The following SLIT2 variants were observed in gnomAD, a reference collection of about 807,000 sequenced individuals.
SLIT2 encodes the protein slit guidance ligand 2.
A neutral mutation model predicts 185.7 loss-of-function variants in SLIT2; 41 were observed. The ratio of observed to expected loss-of-function variants is 0.22; its 90% CI spans 0.17 to 0.29. SLIT2 has a LOEUF of 0.29. Among genes scored for constraint, SLIT2 ranks in the 10% least tolerant of loss-of-function variants. The pLI is 1.00. For synonymous variants in SLIT2, 693 were observed against 680.2 expected, an observed-to-expected ratio of 1.02 and a Z score of -0.29; for missense variants, 1,571 against 1,909.0, an observed-to-expected ratio of 0.82 and a Z score of 3.30.
chr4:20,530,803 A>T (rs1350315713), intron 16 of SLIT2, among the ~76,000 whole-genome samples: 1 of 152,186 alleles, frequency 6.6e-6, no homozygotes, highest in Non-Finnish European at 1.5e-5. Flanking sequence ...AAGGTATTTT[A>T]CTCAGCTAAT....
intron 30 of SLIT2, among the ~76,000 whole-genome samples, chr4:20,592,283 T>C (rs1334535603): frequency 6.6e-6 from 1 of 152,198 alleles, no homozygotes; most frequent in Non-Finnish European, 1.5e-5. Context: ...CTTTGAGATA[T>C]TTTTAGACTA....
chr4:20,365,848 CTGT>C (rs1435739891), intron 4 of SLIT2, among the ~76,000 whole-genome samples: 2 of 152,218 alleles, frequency 1.3e-5, no homozygotes, highest in East Asian at 3.9e-4. Context: ...CTATGAGCTG[CTGT>C]TTTTATTTTC....
intron 4 of SLIT2, among the ~76,000 whole-genome samples, chr4:20,350,733 T>C (rs1263095425): frequency 6.6e-6 from 1 of 152,216 alleles, no homozygotes; most frequent in Non-Finnish European, 1.5e-5. Context: ...AGCTCATGCC[T>C]GTAATCCTAG....
chr4:20,503,977 G>T (rs78081129), intron 9 of SLIT2, among the ~76,000 whole-genome samples: 4,422 of 152,104 alleles, frequency 0.029, 112 homozygotes, highest in Admixed American at 0.076. Context: ...TATTAAATTT[G>T]CAAAGTTCTG....
At position 20,548,737 on chromosome 4, in the gene SLIT2, T is replaced by A. The variant is rs139349120; in HGVS notation, c.2417+178T>A. ...GTAGACATTAGGAAAAGTATTGCGT[T>A]CTATTAAAAAAAACAAAGAATAATT... On this transcript the variant is annotated intron_variant, in intron 23 of 36. Transcript: ENST00000504154. Among the ~76,000 whole-genome samples the A allele has an allele frequency of 2.6e-3, 397 of 152,136 alleles. 10 individuals are homozygous for A. The South Asian group carries it at 0.059, about 23-fold the overall frequency.
rs150205512 is a variant in SLIT2, at chr4:20,569,085, G to A, written c.3088+81G>A. On this transcript the variant is annotated intron_variant, in intron 29 of 36. Coordinates refer to ENST00000504154, the MANE Select transcript of SLIT2 (RefSeq NM_004787.4). ...ATTGGAACTATGTTATATATGTTTA[G>A]TAAATCTTTTTTTATTTGATAAATG... 5.4e-3 allele frequency: 6,526 copies of A among 1,207,982 alleles called. 47 individuals are homozygous for A. Among genetic ancestry groups the A allele is most frequent in the South Asian group, 0.013 (1,041 of 80,202 alleles). The allele number at this position is 1,207,982 out of a possible 1,614,324, so 74.8% of individuals were successfully genotyped here.
intron 4 of SLIT2, among the ~76,000 whole-genome samples, chr4:20,309,634 T>C (rs1204436544): frequency 1.3e-5 from 2 of 152,106 alleles, no homozygotes; most frequent in Non-Finnish European, 2.9e-5. Context: ...CTTAATTTGC[T>C]ATATCTAATA....
chr4:20,450,547 C>A (rs1381967711), intron 4 of SLIT2, among the ~76,000 whole-genome samples: 10 of 152,042 alleles, frequency 6.6e-5, no homozygotes, highest in African/African-American at 2.4e-4. Context: ...ATGGACAAGA[C>A]CATATCCTAT....
intron 4 of SLIT2, among the ~76,000 whole-genome samples, chr4:20,383,576 A>T (rs148109865): frequency 2.0e-5 from 3 of 152,328 alleles, no homozygotes; most frequent in Non-Finnish European, 4.4e-5. Flanking sequence ...CAGGGTTAGC[A>T]ACCATGTGAA....
chr4:20,372,595 C>A (rs1034863920), intron 4 of SLIT2, among the ~76,000 whole-genome samples: 12 of 151,952 alleles, frequency 7.9e-5, no homozygotes, highest in African/African-American at 2.9e-4. Flanking sequence ...TAAATTCTGA[C>A]TTTCATGCTG....
intron 4 of SLIT2, among the ~76,000 whole-genome samples, chr4:20,439,181 G>A (rs56008233): frequency 6.6e-6 from 1 of 152,266 alleles, no homozygotes; most frequent in South Asian, 2.1e-4. Context: ...ACACAGTTCC[G>A]AGGTATTAAT....
At position 20,508,653 on chromosome 4, in the gene SLIT2, G is replaced by T. The variant is rs571078519; in HGVS notation, c.915-1842G>T. ...AAAATAAATATGCATAAATAAATAT[G>T]CAAGCAAAAAAACACTAAAGTAAAA... On this transcript the variant is annotated intron_variant, in intron 9 of 36. Coordinates refer to ENST00000504154, the MANE Select transcript of SLIT2 (RefSeq NM_004787.4). Among the ~76,000 whole-genome samples the T allele has an allele frequency of 7.5e-4, 114 of 151,992 alleles. 1 individual carries two copies. The highest frequency in any genetic ancestry group is 2.5e-3 in the African/African-American group (102 of 41,486).
intron 4 of SLIT2, among the ~76,000 whole-genome samples, chr4:20,358,434 A>C (rs956807562): frequency 1.3e-5 from 2 of 152,196 alleles, no homozygotes; most frequent in African/African-American, 2.4e-5. Context: ...TACTCACATC[A>C]GGCACGCAGT....
chr4:20,443,321 G>A (rs1729912855), intron 4 of SLIT2, among the ~76,000 whole-genome samples: 1 of 152,124 alleles, frequency 6.6e-6, no homozygotes. Flanking sequence ...ATGAGAGATA[G>A]CTAACTTCTT....
At chr4:20,339,703 A>G (rs967189521) in intron 4 of SLIT2, among the ~76,000 whole-genome samples, 7 of 152,228 alleles carry the variant, frequency 4.6e-5, no homozygotes, top group African/African-American at 1.7e-4. Flanking sequence ...CTAAGTTTCT[A>G]ATCTAAAGAC....
intron 4 of SLIT2, among the ~76,000 whole-genome samples, chr4:20,401,059 G>T (rs932666847): frequency 3.9e-5 from 6 of 151,958 alleles, no homozygotes; most frequent in Admixed American, 3.3e-4. Context: ...AGATACAGCT[G>T]CTTTGATGAA....
chr4:20,530,757 T>G (rs946759173), intron 16 of SLIT2, among the ~76,000 whole-genome samples: 4 of 152,066 alleles, frequency 2.6e-5, no homozygotes, highest in African/African-American at 7.2e-5. Flanking sequence ...GGCACATAAT[T>G]CAGAATATAT....
At position 20,508,219 on chromosome 4, in the gene SLIT2, G is replaced by T. The variant is rs141729938; in HGVS notation, c.915-2276G>T. ...CCAGTTAGCAGGGATATGTGAAAAC[G>T]AATAGAATATAGTGGAATAAGAACA... On this transcript the variant is annotated intron_variant, in intron 9 of 36. Transcript: ENST00000504154. Among the ~76,000 whole-genome samples the T allele has an allele frequency of 1.1e-4, 16 of 152,002 alleles. No homozygotes were observed. In the East Asian group the frequency reaches 2.9e-3, roughly 28 times the overall value.
chr4:20,401,576 G>T (rs1726364471), intron 4 of SLIT2, among the ~76,000 whole-genome samples: 1 of 151,760 alleles, frequency 6.6e-6, no homozygotes, highest in Non-Finnish European at 1.5e-5. Flanking sequence ...GGGTGGGTAG[G>T]TTCACTTACC....
Sources: allele counts gnomAD v4.1 joint callset (sites outside exome capture counted in the v4.1 genomes callset), GRCh38; gene constraint gnomAD v4.1.1; transcripts MANE v1.5; gene names NCBI Gene and HGNC (gene_info 2026-07-23, HGNC 2026-07-21).